The following TRIM63 variants were observed in gnomAD, a reference collection of about 807,000 sequenced individuals.
The protein encoded by TRIM63 is E3 ubiquitin-protein ligase TRIM63.
In TRIM63, 48 loss-of-function variants were observed where a neutral mutation model predicts 46.0. The ratio of observed to expected loss-of-function variants is 1.04; its 90% CI spans 0.83 to 1.33. The LOEUF (loss-of-function observed/expected upper bound fraction) is 1.33, where lower values mean the gene tolerates loss of function less well. Among genes scored for constraint, TRIM63 ranks in the 40% most tolerant of loss-of-function variants. The probability of loss-of-function intolerance (pLI) is 0.00; values close to 1 mark genes in which losing one functional copy is unlikely to be tolerated. For synonymous variants in TRIM63, 175 were observed against 162.8 expected (o/e 1.08, Z -0.57); for missense variants, 455 against 441.2 (o/e 1.03, Z -0.28).
Position 26,067,518 on chromosome 1 carries a change from C to T in TRIM63, c.-24G>A, listed in dbSNP as rs368553195. The T allele has an allele frequency of 1.5e-5, 24 of 1,611,944 alleles. No individual in the cohort carries two copies. The highest frequency in any genetic ancestry group is 2.2e-5 in the East Asian group (1 of 44,886). ...ATTCTGTGGGAAGGAATGAGAGCCA[C>T]GCCTAGCTGCCTCCTCTACTAACTT... On this transcript the variant is annotated 5_prime_UTR_variant, in exon 1 of 9. In the 5' UTR this introduces an upstream ATG that the reference lacks. Transcript: ENST00000374272.
At chr1:26,067,311 A>G (rs779735910) in intron 1 of TRIM63, 25 bp downstream of exon 1, 3 of 1,612,096 alleles carry the variant, frequency 1.9e-6, no homozygotes, top group Non-Finnish European at 2.5e-6. Context: ...TGGGGACCCC[A>G]AATGAAGCTG....
At chr1:26,059,806 A>G (rs1892496) in intron 4 of TRIM63, among the ~76,000 whole-genome samples, 94,269 of 152,010 alleles carry the variant, frequency 0.62, 30,769 homozygotes, top group East Asian at 0.76. Flanking sequence ...CAGCTTGGGC[A>G]AATCCTGGGA....
Position 26,057,333 on chromosome 1 carries a change from G to A in TRIM63, c.855-6C>T, listed in dbSNP as rs1157247516. ...CCTTGGAAGCTTCCACAATGCTGCA[G>A]GGGAGACAGAAAGAGAGGCAGGATG... On this transcript the variant is annotated splice_region_variant and splice_polypyrimidine_tract_variant and intron_variant, in intron 6 of 8. Coordinates refer to ENST00000374272, the MANE Select transcript of TRIM63 (RefSeq NM_032588.4). 6.2e-7 allele frequency: 1 copy of A among 1,613,928 alleles called. No individual in the cohort carries two copies. Among genetic ancestry groups the A allele is most frequent in the Admixed American group, 1.7e-5 (1 of 60,006 alleles).
At chr1:26,057,778 T>G in intron 5 of TRIM63, 128 bp from the exon 6 acceptor site, 1 of 933,186 alleles carries the variant, frequency 1.1e-6, no homozygotes, top group Admixed American at 2.8e-5. Flanking sequence ...TGTGACCTGC[T>G]CCCCACCCCA....
rs3008222 is a variant in TRIM63, at chr1:26,058,815, G to T, written c.598-192C>A. Among the ~76,000 whole-genome samples the T allele has an allele frequency of 0.033, 5,088 of 152,196 alleles. 284 individuals carry two copies. Among genetic ancestry groups the T allele is most frequent in the African/African-American group, 0.11 (4,766 of 41,504 alleles). ...ATCTGGCCTCACAGCTATTTAGTAC[G>T]CCAGTGATATTTGGAGGATGATGCC... On this transcript the variant is annotated intron_variant, in intron 4 of 8. Coordinates refer to ENST00000374272, the MANE Select transcript of TRIM63 (RefSeq NM_032588.4).
chr1:26,058,128 A>G (rs1037666249), intron 5 of TRIM63, among the ~76,000 whole-genome samples: 4 of 152,192 alleles, frequency 2.6e-5, no homozygotes, highest in African/African-American at 9.6e-5. Flanking sequence ...GTAGGGGCTC[A>G]ATTAATAGTC....
intron 7 of TRIM63, among the ~76,000 whole-genome samples, chr1:26,055,150 G>A (rs908112127): frequency 3.9e-5 from 6 of 152,100 alleles, no homozygotes; most frequent in Non-Finnish European, 7.3e-5. Flanking sequence ...AATCTGCATC[G>A]TCTTATAAAA....
chr1:26,061,268 G>A lies in TRIM63; in HGVS notation c.399C>T (p.Tyr133=), dbSNP rs1025169410. 2 of 1,614,092 alleles carry A rather than the reference G, an allele frequency of 1.2e-6. No homozygotes were observed. Among genetic ancestry groups the A allele is most frequent in the Admixed American group, 1.7e-5 (1 of 60,010 alleles). Reference sequence around the variant, plus strand: ...AGGTGGGCACCTCACACGTGAGACAGTAGATGTTGATTTTCTCATCTTCGT... The same window carrying A: ...AGGTGGGCACCTCACACGTGAGACAATAGATGTTGATTTTCTCATCTTCGT... The part of the protein sequence containing the change: ...KEHEDEKINI[Y]CLTCEVPTCS... Residue 133 remains tyrosine, a synonymous_variant, in exon 3 of 9, where the codon TAC becomes TAT. Transcript: ENST00000374272.
intron 5 of TRIM63, among the ~76,000 whole-genome samples, 165 bp downstream of exon 5, chr1:26,058,225 G>A (rs1250779399): frequency 6.6e-6 from 1 of 152,198 alleles, no homozygotes; most frequent in Non-Finnish European, 1.5e-5. Flanking sequence ...GTAAGAGGAA[G>A]GTGGGGGGTG....
At chr1:26,063,737 C>A (rs1220258499) in intron 2 of TRIM63, among the ~76,000 whole-genome samples, 1 of 152,222 alleles carries the variant, frequency 6.6e-6, no homozygotes, top group Admixed American at 6.5e-5. Flanking sequence ...AGAACTACTG[C>A]AATCTGTCTG....
intron 1 of TRIM63, among the ~76,000 whole-genome samples, chr1:26,067,106 G>C (rs532726441): frequency 4.6e-5 from 7 of 152,052 alleles, no homozygotes; most frequent in African/African-American, 1.2e-4. Flanking sequence ...GGGCAGGGGT[G>C]GGGGAGCTGT....
chr1:26,054,064 G>A (rs1268330522), intron 7 of TRIM63, 100 bp from the exon 8 acceptor site: 1 of 811,450 alleles, frequency 1.2e-6, no homozygotes, highest in Non-Finnish European at 1.9e-6. Flanking sequence ...ACCCCTTCCT[G>A]TGCCCAGTCG....
intron 6 of TRIM63, 109 bp downstream of exon 6, chr1:26,057,519 C>T (rs2050584049): frequency 1.4e-6 from 2 of 1,438,748 alleles, no homozygotes; most frequent in Non-Finnish European, 9.4e-7. Context: ...GGGAAGCCAG[C>T]CTAGAGTGAG....
chr1:26,067,562 G>A lies in TRIM63; in HGVS notation c.-68C>T. ...CTAACTTTGCTCTAAGTAGACCTGG[G>A]GGTCTTGCCTTTGTCACAAAACACC... On this transcript the variant is annotated 5_prime_UTR_variant, in exon 1 of 9. Coordinates refer to ENST00000374272, the MANE Select transcript of TRIM63 (RefSeq NM_032588.4). The A allele has an allele frequency of 1.3e-6, 2 of 1,549,002 alleles. No homozygotes were observed. The highest frequency in any genetic ancestry group is 1.4e-5 in the African/African-American group (1 of 73,552).
At position 26,061,190 on chromosome 1, in the gene TRIM63, C is replaced by T. The variant is rs199867640; in HGVS notation, c.477G>A (p.Leu159=). ...GIHKACEVAP[L]QSVFQGQKTE... is the part of the protein sequence containing the mutation. ...CCTTTTGTCCCTGGAAGACACTCTG[C>T]AATGGGGCCACCTCGCAGGCCTTGT... The change falls in exon 3 of 9, where the codon TTG becomes TTA. Residue 159 remains leucine (L), a synonymous_variant. Transcript: ENST00000374272. 1.2e-6 allele frequency: 2 copies of T among 1,614,090 alleles called. No individual in the cohort carries two copies. Among genetic ancestry groups the T allele is most frequent in the East Asian group, 4.5e-5 (2 of 44,884 alleles).
At chr1:26,057,494 G>A (rs1410124806) in intron 6 of TRIM63, 134 bp downstream of exon 6, 93 of 1,381,408 alleles carry the variant, frequency 6.7e-5, no homozygotes, top group Non-Finnish European at 8.7e-5. Flanking sequence ...AAAAAGTCAG[G>A]GATGCAAAGG....
In TRIM63 at chr1:26,060,307, T is replaced by C; in HGVS notation, c.556A>G (p.Thr186Ala). The stretch of plus-strand genomic sequence containing the variant: ...GAATCCTCCAGCTGAGTGATGATGG[T>C]CTGCACACGGTCATTCCCCGCCACC... Reference protein sequence around the residue: ...MLVAGNDRVQTIITQLEDSRR... With the variant: ...MLVAGNDRVQAIITQLEDSRR... The change falls in exon 4 of 9, where the codon ACC becomes GCC. Residue 186 changes from threonine to alanine, a missense_variant. Transcript: ENST00000374272. The C allele has an allele frequency of 1.9e-6, 3 of 1,614,094 alleles. No homozygotes were observed. The highest frequency in any genetic ancestry group is 2.2e-5 in the South Asian group (2 of 91,086).
intron 4 of TRIM63, among the ~76,000 whole-genome samples, chr1:26,059,379 G>A (rs1029859013): frequency 7.2e-5 from 11 of 151,870 alleles, no homozygotes; most frequent in East Asian, 1.9e-4. Context: ...ACAAATTAAC[G>A]TTTCCTGGGC....
chr1:26,065,728 G>A (rs2124443792), intron 2 of TRIM63, among the ~76,000 whole-genome samples: 1 of 152,328 alleles, frequency 6.6e-6, no homozygotes, highest in South Asian at 2.1e-4. Context: ...TCAACTCCCA[G>A]CTCTTTCACT....
Sources: allele counts gnomAD v4.1 joint callset (sites outside exome capture counted in the v4.1 genomes callset), GRCh38; gene constraint gnomAD v4.1.1; transcripts MANE v1.5; gene names NCBI Gene and HGNC (gene_info 2026-07-23, HGNC 2026-07-21).